The following ATP7B variants were observed in gnomAD, a reference collection of about 807,000 sequenced individuals.
ATP7B encodes the protein ATPase copper transporting beta.
A neutral mutation model predicts 118.9 loss-of-function variants in ATP7B; 113 were observed. That is an observed-to-expected ratio of 0.95 (90% confidence interval 0.82 to 1.11). ATP7B has a LOEUF of 1.11. Among genes scored for constraint, ATP7B ranks in the 50% most tolerant of loss-of-function variants. The pLI, the probability that ATP7B is intolerant of heterozygous loss-of-function variation, is 0.00. For synonymous variants in ATP7B, 777 were observed against 727.4 expected, an observed-to-expected ratio of 1.07 and a Z score of -1.10; for missense variants, 1,867 against 1,871.4, an observed-to-expected ratio of 1.00 and a Z score of 0.04.
intron 1 of ATP7B, among the ~76,000 whole-genome samples, chr13:51,998,741 C>A (rs900719481): frequency 6.6e-6 from 1 of 152,228 alleles, no homozygotes; most frequent in Non-Finnish European, 1.5e-5. Flanking sequence ...CCTAAACAAT[C>A]TTGTTGCAAC....
intron 2 of ATP7B, 111 bp from the exon 3 acceptor site, chr13:51,970,860 G>T: frequency 1.0e-6 from 1 of 991,730 alleles, no homozygotes; most frequent in Non-Finnish European, 1.5e-6. Flanking sequence ...CTCCCACCGA[G>T]CAGCCTCAGC....
At chr13:52,001,958 C>CTTAT (rs985998609) in intron 1 of ATP7B, among the ~76,000 whole-genome samples, 4 of 151,812 alleles carry the variant, frequency 2.6e-5, no homozygotes, top group Admixed American at 6.6e-5. Flanking sequence ...GCCCAGCTTG[C>CTTAT]TTATTTATTT....
chr13:51,942,353 T>C (rs1957385168), intron 15 of ATP7B, 33 bp downstream of exon 15: 1 of 1,612,796 alleles, frequency 6.2e-7, no homozygotes, highest in Non-Finnish European at 8.5e-7. Flanking sequence ...ACCTCTACTT[T>C]TAACCAGCTG....
chr13:51,940,328 G>C (rs1335803514), intron 16 of ATP7B, among the ~76,000 whole-genome samples: 1 of 143,978 alleles, frequency 6.9e-6, no homozygotes, highest in East Asian at 2.3e-4. Context: ...ACAGTCTTGA[G>C]ACCTGTACTC....
chr13:51,977,192 C>T (rs879624288), intron 1 of ATP7B, among the ~76,000 whole-genome samples: 6 of 151,110 alleles, frequency 4.0e-5, no homozygotes, highest in Non-Finnish European at 7.4e-5. Context: ...TATTAATTAA[C>T]CTCAGCTTGC....
intron 15 of ATP7B, among the ~76,000 whole-genome samples, chr13:51,941,937 A>G (rs1425566682): frequency 6.6e-6 from 1 of 152,218 alleles, no homozygotes; most frequent in East Asian, 1.9e-4. Flanking sequence ...AAAAAAGGCC[A>G]TTCTTCAAAA....
At chr13:52,009,107 C>A (rs1953908581) in intron 1 of ATP7B, among the ~76,000 whole-genome samples, 1 of 152,114 alleles carries the variant, frequency 6.6e-6, no homozygotes, top group South Asian at 2.1e-4. Context: ...AACTCCTGGA[C>A]CCAAACTGCT....
At chr13:52,004,545 G>A (rs1953681139) in intron 1 of ATP7B, among the ~76,000 whole-genome samples, 1 of 152,196 alleles carries the variant, frequency 6.6e-6, no homozygotes, top group Admixed American at 6.5e-5. Context: ...TCTCTAACTA[G>A]AGACTTCATC....
chr13:51,995,062 T>C (rs1953135587), intron 1 of ATP7B, among the ~76,000 whole-genome samples: 1 of 152,252 alleles, frequency 6.6e-6, no homozygotes, highest in Non-Finnish European at 1.5e-5. Flanking sequence ...TTTGTTTGAC[T>C]TGCATTGTGG....
At chr13:51,966,439 G>A (rs978898470) in intron 4 of ATP7B, among the ~76,000 whole-genome samples, 8 of 152,156 alleles carry the variant, frequency 5.3e-5, no homozygotes, top group South Asian at 2.1e-4. Context: ...AGCCTACACC[G>A]CTTGTGCCGT....
chr13:51,968,564 C>A lies in ATP7B; in HGVS notation c.1587G>T (p.Glu529Asp). 1 of 1,614,196 alleles carries A rather than the reference C, an allele frequency of 6.2e-7. No homozygotes were observed. The highest frequency in any genetic ancestry group is 8.5e-7 in the Non-Finnish European group (1 of 1,180,036). ...VLVALMAGKA[E>D]IKYDPEVIQP... Reference sequence around the variant, plus strand: ...GGATGACCTCTGGGTCATACTTGATCTCTGCCTTTCCTGCCATCAAGGCAA... The same window carrying A: ...GGATGACCTCTGGGTCATACTTGATATCTGCCTTTCCTGCCATCAAGGCAA... The change falls in exon 4 of 21, where the codon GAG becomes GAT. Residue 529 changes from glutamate (E) to aspartate (D), a missense_variant. Physicochemically the swap from Glu to Asp is conservative, Grantham distance 45. Transcript: ENST00000242839.
At chr13:51,969,242 G>A (rs566187333) in intron 3 of ATP7B, among the ~76,000 whole-genome samples, 32 of 151,864 alleles carry the variant, frequency 2.1e-4, no homozygotes, top group East Asian at 3.9e-4. Flanking sequence ...TGAATCACCC[G>A]AGGACCTTGT....
chr13:52,001,004 T>C (rs142914275), intron 1 of ATP7B, among the ~76,000 whole-genome samples: 256 of 152,308 alleles, frequency 1.7e-3, no homozygotes, highest in African/African-American at 5.7e-3. Context: ...TGGGTGACAG[T>C]GTGAGATTCT....
intron 1 of ATP7B, among the ~76,000 whole-genome samples, chr13:51,997,425 T>C (rs796597161): frequency 2.6e-5 from 4 of 152,290 alleles, no homozygotes; most frequent in African/African-American, 9.6e-5. Context: ...ATAAGGAAAA[T>C]ATGTTGGGAT....
intron 1 of ATP7B, among the ~76,000 whole-genome samples, chr13:52,010,738 G>GT: frequency 6.6e-6 from 1 of 152,180 alleles, no homozygotes; most frequent in East Asian, 1.9e-4. Flanking sequence ...CTGAAACATA[G>GT]AAAGTTCTCA....
At position 51,957,576 on chromosome 13, in the gene ATP7B, A is replaced by G; in HGVS notation, c.2387T>C (p.Met796Thr). 1 of 1,614,220 alleles carries G rather than the reference A, an allele frequency of 6.2e-7. No individual in the cohort carries two copies. The highest frequency in any genetic ancestry group is 2.2e-5 in the East Asian group (1 of 44,890). The change falls in exon 9 of 21, where the codon ATG becomes ACG. Residue 796 changes from methionine (M) to threonine (T), a missense_variant. Transcript: ENST00000242839. The part of the protein sequence containing the change: ...SKTSEALAKL[M>T]SLQATEATVV... ...GGTGGCTTCTGTGGCTTGGAGAGACATGAGTTTAGCCAGGGCTTCTGAGGT... is the reference window on the plus strand; with the variant it reads ...GGTGGCTTCTGTGGCTTGGAGAGACGTGAGTTTAGCCAGGGCTTCTGAGGT...
chr13:51,935,651 A>G lies in ATP7B; in HGVS notation c.4066T>C (p.Ser1356Pro), dbSNP rs1555282748. The G allele has an allele frequency of 6.2e-7, 1 of 1,613,842 alleles. No individual in the cohort carries two copies. Among genetic ancestry groups the G allele is most frequent in the Non-Finnish European group, 8.5e-7 (1 of 1,179,958 alleles). ...ACAGAGGAGGCTGCCATGGCCGCTG[A>G]GCCCATCCAGGGCTGCAGCACAATG... ...IGIVLQPWMG[S>P]AAMAASSVSV... The change falls in exon 20 of 21, where the codon TCA becomes CCA. Residue 1356 changes from serine (S) to proline (P), a missense_variant. By Grantham distance (74) the Ser-to-Pro change is moderately conservative (BLOSUM62 -1). Coordinates refer to ENST00000242839, the MANE Select transcript of ATP7B (RefSeq NM_000053.4).
intron 12 of ATP7B, among the ~76,000 whole-genome samples, chr13:51,948,582 T>A (rs1220450966): frequency 6.6e-6 from 1 of 152,206 alleles, no homozygotes; most frequent in South Asian, 2.1e-4. Context: ...CTACTGACAT[T>A]TGGGGCCAGA....
chr13:51,990,814 G>A (rs965236820), intron 1 of ATP7B, among the ~76,000 whole-genome samples: 3 of 152,206 alleles, frequency 2.0e-5, no homozygotes, highest in Non-Finnish European at 4.4e-5. Context: ...ACCCACCCTG[G>A]CACAATGGCT....
Sources: gnomAD v4.1 joint callset for allele counts (sites outside exome capture counted in the v4.1 genomes callset) on GRCh38, gnomAD v4.1.1 for gene constraint, MANE v1.5 for transcripts, NCBI Gene and HGNC (gene_info 2026-07-23, HGNC 2026-07-21) for gene names.